MARCHF1: variants seen among roughly 807,000 people sequenced by gnomAD.
MARCHF1 encodes the protein membrane associated ring-CH-type finger 1, also known as E3 ubiquitin-protein ligase MARCHF1.
A neutral mutation model predicts 54.2 loss-of-function variants in MARCHF1; 40 were observed. The observed-to-expected ratio is 0.74, with a 90% CI of 0.57 to 0.96. The LOEUF (loss-of-function observed/expected upper bound fraction) is 0.96. Among genes scored for constraint, MARCHF1 ranks in the 40% least tolerant of loss-of-function variants. The pLI, the probability that MARCHF1 is intolerant of heterozygous loss-of-function variation, is 0.00. For missense variants in MARCHF1, 586 were observed against 656.5 expected (o/e 0.89, Z 1.17); for synonymous variants, 236 against 236.3 (o/e 1.00, Z 0.01).
intron 1 of MARCHF1, among the ~76,000 whole-genome samples, chr4:164,219,317 C>T (rs994316442): frequency 6.6e-6 from 1 of 152,142 alleles, no homozygotes; most frequent in Non-Finnish European, 1.5e-5. Context: ...TTTCCACACT[C>T]ACTAGTTGCT....
intron 1 of MARCHF1, among the ~76,000 whole-genome samples, chr4:164,176,921 T>C (rs1399855012): frequency 6.9e-6 from 1 of 144,100 alleles, no homozygotes; most frequent in East Asian, 2.0e-4. Flanking sequence ...CAATTTGTTA[T>C]TTATCTGAGT....
intron 1 of MARCHF1, among the ~76,000 whole-genome samples, chr4:164,217,447 T>C (rs1731965390): frequency 6.6e-6 from 1 of 152,218 alleles, no homozygotes; most frequent in African/African-American, 2.4e-5. Context: ...AAAAATTCTA[T>C]ATAAGCCTTT....
At chr4:163,698,091 A>T (rs1744690947) in intron 5 of MARCHF1, among the ~76,000 whole-genome samples, 1 of 152,196 alleles carries the variant, frequency 6.6e-6, no homozygotes, top group African/African-American at 2.4e-5. Context: ...TTTTACAGAC[A>T]AACTTACTAG....
At chr4:163,834,949 G>A (rs1681068292) in intron 4 of MARCHF1, among the ~76,000 whole-genome samples, 1 of 152,000 alleles carries the variant, frequency 6.6e-6, no homozygotes, top group South Asian at 2.1e-4. Context: ...TGGTGTGATT[G>A]TAGCTCACTA....
intron 1 of MARCHF1, among the ~76,000 whole-genome samples, chr4:164,376,453 GTC>G (rs1731195787): frequency 6.6e-6 from 1 of 152,196 alleles, no homozygotes; most frequent in Non-Finnish European, 1.5e-5. Context: ...CAAAAGCAGA[GTC>G]TGAACTAAAA....
intron 4 of MARCHF1, among the ~76,000 whole-genome samples, chr4:163,848,034 GA>G (rs2111153412): frequency 6.6e-6 from 1 of 152,266 alleles, no homozygotes; most frequent in East Asian, 1.9e-4. Flanking sequence ...TTATCTGTTT[GA>G]ATAATGAAAT....
chr4:164,326,325 T>C (rs1379683458), intron 1 of MARCHF1, among the ~76,000 whole-genome samples: 1 of 152,206 alleles, frequency 6.6e-6, no homozygotes, highest in Non-Finnish European at 1.5e-5. Flanking sequence ...TCTTCTGATC[T>C]AGGCATCCAG....
chr4:164,026,949 A>T (rs1370009647), intron 2 of MARCHF1, among the ~76,000 whole-genome samples: 1 of 152,104 alleles, frequency 6.6e-6, no homozygotes, highest in East Asian at 1.9e-4. Flanking sequence ...AATCATGGTC[A>T]AGCTGAGAGT....
At chr4:164,271,028 T>A (rs1230183792) in intron 1 of MARCHF1, among the ~76,000 whole-genome samples, 4 of 152,132 alleles carry the variant, frequency 2.6e-5, no homozygotes, top group Non-Finnish European at 5.9e-5. Context: ...ACTAGTGGAA[T>A]AAAATAAAAA....
intron 3 of MARCHF1, among the ~76,000 whole-genome samples, chr4:163,972,713 A>G (rs1752571213): frequency 7.2e-6 from 1 of 139,480 alleles, no homozygotes; most frequent in Non-Finnish European, 1.6e-5. Context: ...TGGCCGGCTA[A>G]TTTTTTTTTT....
chr4:164,139,319 A>C (rs535319274), intron 1 of MARCHF1, among the ~76,000 whole-genome samples: 2 of 152,300 alleles, frequency 1.3e-5, no homozygotes, highest in African/African-American at 4.8e-5. Context: ...GCCCAAACTT[A>C]AGTAGAAAGC....
chr4:164,313,174 T>C (rs868111187), intron 1 of MARCHF1, among the ~76,000 whole-genome samples: 1 of 86,340 alleles, frequency 1.2e-5, no homozygotes, highest in Non-Finnish European at 2.4e-5. Flanking sequence ...CCGTCTCTAC[T>C]AAAAATACAA....
chr4:163,908,686 A>G (rs771045774), intron 3 of MARCHF1, among the ~76,000 whole-genome samples: 2 of 152,142 alleles, frequency 1.3e-5, no homozygotes, highest in Non-Finnish European at 2.9e-5. Flanking sequence ...CCCAGAATTC[A>G]GGATTCCTCC....
chr4:164,062,685 T>C (rs1000351944), intron 2 of MARCHF1, among the ~76,000 whole-genome samples: 1 of 152,048 alleles, frequency 6.6e-6, no homozygotes, highest in South Asian at 2.1e-4. Context: ...CCACCATGCC[T>C]GGCTAATTTT....
At chr4:163,637,229 A>G (rs1435419556) in intron 5 of MARCHF1, among the ~76,000 whole-genome samples, 18 of 152,316 alleles carry the variant, frequency 1.2e-4, no homozygotes, top group Admixed American at 7.8e-4. Flanking sequence ...TGGCAACAAA[A>G]GCCAAAATTG....
chr4:164,000,482 GAGAA>G (rs1452638787), intron 2 of MARCHF1, among the ~76,000 whole-genome samples: 3 of 151,588 alleles, frequency 2.0e-5, no homozygotes, highest in African/African-American at 7.2e-5. Flanking sequence ...TATGAGAAAA[GAGAA>G]AGATTTAGAG....
At chr4:163,770,428 AAT>A (rs1405504989) in intron 4 of MARCHF1, among the ~76,000 whole-genome samples, 2 of 152,146 alleles carry the variant, frequency 1.3e-5, no homozygotes, top group East Asian at 3.8e-4. Context: ...CTGCCTTAAG[AAT>A]AAACTTCAGT....
intron 1 of MARCHF1, among the ~76,000 whole-genome samples, chr4:164,120,095 A>G (rs1037636838): frequency 3.2e-5 from 4 of 125,400 alleles, no homozygotes; most frequent in African/African-American, 1.0e-4. Context: ...ATAAAATATT[A>G]TCAAATAGAA....
At chr4:164,325,356 T>TATATATATATATATATATATA (rs1561003093) in intron 1 of MARCHF1, among the ~76,000 whole-genome samples, 12 of 149,322 alleles carry the variant, frequency 8.0e-5, no homozygotes, top group South Asian at 6.3e-4. Context: ...TATATATATA[T>TATATATATATATATATATATA]TTGCACAGAC....
Sources: allele counts gnomAD v4.1 joint callset (sites outside exome capture counted in the v4.1 genomes callset), GRCh38; gene constraint gnomAD v4.1.1; transcripts MANE v1.5; gene names NCBI Gene and HGNC (gene_info 2026-07-23, HGNC 2026-07-21).